Variants in IKZF1 observed in about 807,000 individuals in gnomAD.
The protein encoded by IKZF1 is IKAROS family zinc finger 1, also known as DNA-binding protein Ikaros.
IKZF1 carries 10 observed loss-of-function variants against 51.7 expected under a neutral mutation model. That is an observed-to-expected ratio of 0.19 (90% CI 0.12 to 0.33). The LOEUF is 0.33. Ranked by LOEUF, IKZF1 falls within the 10% of genes least tolerant of loss-of-function variation. IKZF1 has a pLI of 1.00. For synonymous variants in IKZF1, 280 were observed against 282.3 expected (o/e 0.99, Z 0.08); for missense variants, 484 against 707.5 (o/e 0.68, Z 3.58).
chr7:50,345,756 C>T (rs2153423209), intron 3 of IKZF1, among the ~76,000 whole-genome samples: 1 of 152,318 alleles, frequency 6.6e-6, no homozygotes, highest in African/African-American at 2.4e-5. Flanking sequence ...ACAAGCAATT[C>T]TGCCTGGTTT....
rs1052279859 is a variant in IKZF1 at position 50,397,971 on chromosome 7, C to T, written c.851-1947C>T. Among the ~76,000 whole-genome samples the T allele has an allele frequency of 5.9e-5, 9 of 152,162 alleles. No homozygotes were observed. The East Asian group carries it at 1.7e-3, about 29-fold the overall frequency. The stretch of plus-strand genomic sequence containing the variant: ...ATCCATTACAAAATAAGACATGAAA[C>T]TCAAAGGTACTTTATGGTATAATGG... On this transcript the variant is annotated intron_variant, in intron 7 of 7. Coordinates refer to ENST00000331340, the MANE Select transcript of IKZF1 (RefSeq NM_006060.6).
chr7:50,338,108 T>C (rs1352780599), intron 3 of IKZF1, among the ~76,000 whole-genome samples: 10 of 152,218 alleles, frequency 6.6e-5, no homozygotes. Context: ...ATAGAGAAAT[T>C]GGACCAGAAA....
At chr7:50,365,771 T>G (rs575922439) in intron 3 of IKZF1, among the ~76,000 whole-genome samples, 60 of 152,342 alleles carry the variant, frequency 3.9e-4, no homozygotes, top group African/African-American at 1.3e-3. Flanking sequence ...ATCCCATTAC[T>G]GCATATATAC....
chr7:50,364,746 A>C (rs1280011309), intron 3 of IKZF1, among the ~76,000 whole-genome samples: 1 of 152,248 alleles, frequency 6.6e-6, no homozygotes, highest in Non-Finnish European at 1.5e-5. Flanking sequence ...ACCTGGGGCC[A>C]GCTGGCTCCT....
At chr7:50,336,617 C>T (rs939080442) in intron 3 of IKZF1, among the ~76,000 whole-genome samples, 3 of 152,154 alleles carry the variant, frequency 2.0e-5, no homozygotes, top group African/African-American at 4.8e-5. Context: ...CAGGGAGGGG[C>T]GTCTCAGAGG....
intron 3 of IKZF1, among the ~76,000 whole-genome samples, chr7:50,350,864 T>C (rs1584689795): frequency 6.6e-6 from 1 of 152,138 alleles, no homozygotes; most frequent in South Asian, 2.1e-4. Flanking sequence ...CTTGCCCGGG[T>C]TGACTCAGAG....
intron 3 of IKZF1, among the ~76,000 whole-genome samples, chr7:50,370,748 G>A (rs911204403): frequency 2.0e-5 from 3 of 152,130 alleles, no homozygotes; most frequent in Non-Finnish European, 2.9e-5. Context: ...AGAGTGTTCC[G>A]GAGAAAGAGA....
At chr7:50,367,432 G>A (rs1422746021) in intron 3 of IKZF1, among the ~76,000 whole-genome samples, 2 of 152,194 alleles carry the variant, frequency 1.3e-5, no homozygotes, top group African/African-American at 2.4e-5. Context: ...GAAGATTTGA[G>A]GCAGTGATAG....
intron 2 of IKZF1, among the ~76,000 whole-genome samples, chr7:50,325,590 G>A (rs1012935286): frequency 3.3e-5 from 5 of 152,074 alleles, no homozygotes; most frequent in Admixed American, 6.5e-5. Context: ...TGGCTAACAC[G>A]GTGAAACCCT....
chr7:50,393,445 A>G (rs1029868069), intron 7 of IKZF1, among the ~76,000 whole-genome samples: 3 of 152,116 alleles, frequency 2.0e-5, no homozygotes, highest in African/African-American at 7.2e-5. Context: ...AGGGGGAAGG[A>G]CAGAGGCAAG....
At chr7:50,363,563 A>G (rs1805907321) in intron 3 of IKZF1, among the ~76,000 whole-genome samples, 1 of 152,152 alleles carries the variant, frequency 6.6e-6, no homozygotes. Context: ...GGTCCCACTG[A>G]ACTTGATTGT....
chr7:50,348,497 T>A (rs1270339271), intron 3 of IKZF1, among the ~76,000 whole-genome samples: 1 of 152,202 alleles, frequency 6.6e-6, no homozygotes, highest in Non-Finnish European at 1.5e-5. Context: ...AGATGCTGCT[T>A]CCTTATTGCT....
intron 3 of IKZF1, among the ~76,000 whole-genome samples, chr7:50,358,836 T>C (rs118132182): frequency 0.024 from 3,355 of 137,426 alleles, 66 homozygotes; most frequent in East Asian, 0.069. Flanking sequence ...AAGAGAACTA[T>C]ATATTACAAA....
intron 1 of IKZF1, among the ~76,000 whole-genome samples, chr7:50,306,773 GAA>G (rs1788910688): frequency 6.6e-6 from 1 of 152,184 alleles, no homozygotes; most frequent in Admixed American, 6.5e-5. Context: ...TGGAGTTTGA[GAA>G]CAGTGGTTCT....
At chr7:50,368,656 C>A (rs749241499) in intron 3 of IKZF1, 9 of 310,128 alleles carry the variant, frequency 2.9e-5, no homozygotes, top group Non-Finnish European at 4.7e-5. Flanking sequence ...ATGTGAATTT[C>A]ATTTTTCTTT....
chr7:50,366,635 A>C (rs1807037299), intron 3 of IKZF1, among the ~76,000 whole-genome samples: 3 of 152,210 alleles, frequency 2.0e-5, no homozygotes, highest in African/African-American at 7.2e-5. Flanking sequence ...GTAGTATCTC[A>C]GTGCTTTGTT....
intron 3 of IKZF1, chr7:50,369,613 A>G: frequency 2.5e-6 from 1 of 398,544 alleles, no homozygotes; most frequent in Non-Finnish European, 4.4e-6. Context: ...CTGGGCCAAT[A>G]TCACCACCTT....
intron 1 of IKZF1, among the ~76,000 whole-genome samples, chr7:50,313,260 G>T (rs914217758): frequency 6.6e-5 from 10 of 152,204 alleles, no homozygotes; most frequent in Non-Finnish European, 1.5e-4. Context: ...GTGACCTAAG[G>T]CATTTTAAAT....
chr7:50,378,204 A>G (rs1045924844), intron 4 of IKZF1, among the ~76,000 whole-genome samples: 4 of 152,248 alleles, frequency 2.6e-5, no homozygotes, highest in African/African-American at 9.6e-5. Context: ...CTGAAAACCT[A>G]TAAAAATAAG....
Sources: allele counts gnomAD v4.1 joint callset (sites outside exome capture counted in the v4.1 genomes callset), GRCh38; gene constraint gnomAD v4.1.1; transcripts MANE v1.5; gene names NCBI Gene and HGNC (gene_info 2026-07-23, HGNC 2026-07-21).